ST7: variants seen among roughly 807,000 people sequenced by gnomAD.
ST7 encodes the protein suppressor of tumorigenicity 7 protein.
In ST7, 28 loss-of-function variants were observed where a neutral mutation model predicts 78.7. The observed-to-expected ratio is 0.36, with a 90% confidence interval of 0.26 to 0.49. The LOEUF (loss-of-function observed/expected upper bound fraction) is 0.49. ST7 is among the 20% of genes least tolerant of loss of function. ST7 has a pLI of 0.99. For synonymous variants in ST7, 247 were observed against 249.6 expected, an observed-to-expected ratio of 0.99 and a Z score of 0.10; for missense variants, 418 against 696.0, an observed-to-expected ratio of 0.60 and a Z score of 4.49.
chr7:117,198,204 A>G, intron 12 of ST7: 1 of 375,294 alleles, frequency 2.7e-6, no homozygotes, highest in Non-Finnish European at 5.3e-6. Flanking sequence ...GCTTCACAGG[A>G]CTGATGACAG....
intron 1 of ST7, chr7:117,022,826 G>A (rs1382080694): frequency 6.6e-6 from 1 of 152,092 alleles, no homozygotes; most frequent in East Asian, 1.9e-4. Context: ...TTAAATTGAG[G>A]TATGATTTAC....
At chr7:117,182,578 G>C (rs1205692445) in intron 10 of ST7, 4 of 152,116 alleles carry the variant, frequency 2.6e-5, no homozygotes, top group Non-Finnish European at 5.9e-5. Flanking sequence ...CCTGACTTTA[G>C]CTGAAGTCTA....
intron 1 of ST7, among the ~76,000 whole-genome samples, chr7:117,088,734 T>C (rs866315579): frequency 6.6e-6 from 1 of 152,362 alleles, no homozygotes; most frequent in African/African-American, 2.4e-5. Context: ...GGAAAAGTCC[T>C]AGCACATTTT....
At chr7:117,013,473 T>C (rs1485774836) in intron 1 of ST7, among the ~76,000 whole-genome samples, 3 of 152,224 alleles carry the variant, frequency 2.0e-5, no homozygotes, top group Non-Finnish European at 4.4e-5. Flanking sequence ...GCTCTGCTTA[T>C]GGTAAGGAAG....
chr7:117,018,099 C>T (rs1033985722), intron 1 of ST7, among the ~76,000 whole-genome samples: 3 of 152,302 alleles, frequency 2.0e-5, no homozygotes, highest in South Asian at 2.1e-4. Context: ...AAAGGAGCAA[C>T]ATAAATGAGT....
chr7:116,956,500 G>C (rs1268785786), intron 1 of ST7: 2 of 471,068 alleles, frequency 4.2e-6, no homozygotes, highest in African/African-American at 4.0e-5. Flanking sequence ...CTGCTTTTAG[G>C]GAGTTGCAGA....
intron 1 of ST7, among the ~76,000 whole-genome samples, chr7:116,979,958 CTTTTT>C (rs745530832): frequency 1.2e-5 from 1 of 86,256 alleles, no homozygotes; most frequent in Non-Finnish European, 2.0e-5. Flanking sequence ...TTTTGTTTCT[CTTTTT>C]TTTTTTTTTT....
chr7:117,138,492 G>C lies in ST7; in HGVS notation c.923G>C (p.Arg308Thr). The change falls in exon 9 of 16, where the codon AGA becomes ACA. Residue 308 changes from arginine to threonine, a missense_variant. By Grantham distance (71) the Arg-to-Thr change is moderately conservative (BLOSUM62 -1). This residue lies in a region of ST7 where 288 missense variants were observed against 537.1 expected (regional missense o/e 0.54). Coordinates refer to ENST00000323984, the MANE Select transcript of ST7 (RefSeq NM_001369598.1). Reference protein sequence around the residue: ...IKRRLAMCARRLGRTREAVKM... With the variant: ...IKRRLAMCARTLGRTREAVKM... ...AGAAGGCTAGCAATGTGTGCCAGAA[G>C]ACTCGGGAGGACCAGGGAAGCAGTG... 1 of 1,609,026 alleles carries C rather than the reference G, an allele frequency of 6.2e-7. No individual in the cohort carries two copies. Among genetic ancestry groups the C allele is most frequent in the Non-Finnish European group, 8.5e-7 (1 of 1,177,376 alleles).
intron 3 of ST7, among the ~76,000 whole-genome samples, chr7:117,124,075 G>A (rs1487731908): frequency 1.3e-5 from 2 of 151,692 alleles, no homozygotes; most frequent in East Asian, 1.9e-4. Context: ...TTTATTACAT[G>A]GCCAGAAGCA....
chr7:117,161,760 C>G (rs533105346), intron 9 of ST7, among the ~76,000 whole-genome samples: 2 of 151,660 alleles, frequency 1.3e-5, no homozygotes, highest in East Asian at 3.9e-4. Context: ...CCATCACATC[C>G]AGCCAATTTT....
intron 1 of ST7, among the ~76,000 whole-genome samples, chr7:117,081,811 G>C (rs1799798858): frequency 6.6e-6 from 1 of 152,188 alleles, no homozygotes; most frequent in East Asian, 1.9e-4. Flanking sequence ...TTTTAGACTT[G>C]ATATACCAGG....
chr7:117,031,457 T>C lies in ST7; in HGVS notation c.152-68305T>C, dbSNP rs529629991. Among the ~76,000 whole-genome samples, 227 of 141,366 alleles carry C rather than the reference T, an allele frequency of 1.6e-3. 74 individuals carry two copies. The highest frequency in any genetic ancestry group is 6.0e-3 in the African/African-American group (209 of 34,550). The allele number at this position is 141,366 out of a possible 152,430, so 92.7% of individuals were successfully genotyped here. On this transcript the variant is annotated intron_variant, in intron 1 of 15. Coordinates refer to ENST00000323984, the MANE Select transcript of ST7 (RefSeq NM_001369598.1). ...ATATATGCATATATGTGTGTATATG[T>C]GCATATATATGCATATATGTGTGTA... is the stretch of plus-strand genomic sequence containing the variant.
At chr7:116,999,811 T>TC (rs1242140121) in intron 1 of ST7, among the ~76,000 whole-genome samples, 41 of 139,252 alleles carry the variant, frequency 2.9e-4, no homozygotes, top group Middle Eastern at 3.6e-3. Flanking sequence ...TTTCTTTCTT[T>TC]TTTTTTTTTT....
intron 1 of ST7, among the ~76,000 whole-genome samples, chr7:117,071,185 C>G (rs1011754807): frequency 2.6e-5 from 4 of 152,096 alleles, no homozygotes; most frequent in African/African-American, 9.7e-5. Context: ...CGCCACTGGA[C>G]TCCATCCAGC....
At chr7:117,218,549 A>G (rs1020044627) in intron 13 of ST7, among the ~76,000 whole-genome samples, 12 of 152,198 alleles carry the variant, frequency 7.9e-5, no homozygotes, top group Non-Finnish European at 1.6e-4. Flanking sequence ...AAGTTTAGAA[A>G]CACCTCCCGA....
rs765696043 is a variant in ST7, at chr7:117,160,641, TTGTG to T, written c.964-10211_964-10208del. The stretch of plus-strand genomic sequence containing the variant: ...ATATTACATATACACATACATATAC[TTGTG>T]TGTGTGTGTATATATATATATATAC... On this transcript the variant is annotated intron_variant, in intron 9 of 15. Transcript: ENST00000323984. Among the ~76,000 whole-genome samples, 9 of 150,858 alleles carry T rather than the reference TTGTG, an allele frequency of 6.0e-5. No individual in the cohort carries two copies. In the East Asian group the frequency reaches 9.7e-4, roughly 16 times the overall value.
chr7:117,187,667 G>C (rs552370286), intron 10 of ST7: 3 of 152,138 alleles, frequency 2.0e-5, no homozygotes, highest in Admixed American at 6.5e-5. Context: ...GATCTTTCTT[G>C]TTGGGCAGCT....
chr7:117,146,561 G>A (rs995312106), intron 9 of ST7: 2 of 152,322 alleles, frequency 1.3e-5, no homozygotes, highest in South Asian at 2.1e-4. Flanking sequence ...TCGGTCAGCA[G>A]GCTCTTGTAT....
At chr7:117,092,387 TTGTC>T (rs1800702774) in intron 1 of ST7, among the ~76,000 whole-genome samples, 1 of 151,838 alleles carries the variant, frequency 6.6e-6, no homozygotes, top group African/African-American at 2.4e-5. Context: ...ACTTTAGCGT[TTGTC>T]TGTCACAGGG....
Sources: allele counts gnomAD v4.1 joint callset (sites outside exome capture counted in the v4.1 genomes callset), GRCh38; gene constraint gnomAD v4.1.1; regional missense constraint gnomAD v4.1.1; transcripts MANE v1.5; gene names NCBI Gene and HGNC (gene_info 2026-07-23, HGNC 2026-07-21).